NRG3: variants seen among roughly 807,000 people sequenced by gnomAD.
The protein encoded by NRG3 is neuregulin 3.
Under a neutral mutation model 66.9 loss-of-function variants are expected in NRG3, and 31 were observed. The observed-to-expected ratio is 0.46, with a 90% CI of 0.35 to 0.63. NRG3 has a LOEUF of 0.63. Ranked by LOEUF, NRG3 falls within the 20% of genes least tolerant of loss-of-function variation. The pLI is 0.00. For missense variants in NRG3, 910 were observed against 878.9 expected (o/e 1.04, Z -0.45); for synonymous variants, 393 against 359.4 (o/e 1.09, Z -1.06).
intron 1 of NRG3, among the ~76,000 whole-genome samples, chr10:81,981,558 A>T (rs190171409): frequency 1.3e-5 from 2 of 152,026 alleles, no homozygotes; most frequent in Non-Finnish European, 2.9e-5. Flanking sequence ...TCCTGTCTCT[A>T]TCATCCTGGG....
intron 2 of NRG3, among the ~76,000 whole-genome samples, chr10:82,624,399 T>G (rs753877042): frequency 1.3e-5 from 2 of 152,102 alleles, no homozygotes; most frequent in Non-Finnish European, 2.9e-5. Context: ...AATTTTGCCT[T>G]CCTTCCTTTT....
chr10:82,499,240 T>G (rs1843919139), intron 2 of NRG3, among the ~76,000 whole-genome samples: 1 of 152,246 alleles, frequency 6.6e-6, no homozygotes, highest in Non-Finnish European at 1.5e-5. Context: ...GTAACTCAGT[T>G]TGCTTTTGTT....
chr10:82,673,020 G>C (rs1213545600), intron 2 of NRG3, among the ~76,000 whole-genome samples: 2 of 152,172 alleles, frequency 1.3e-5, no homozygotes, highest in African/African-American at 4.8e-5. Flanking sequence ...CAAAGTGTTG[G>C]GATTACAGGC....
intron 2 of NRG3, among the ~76,000 whole-genome samples, chr10:82,505,733 C>T (rs1296042307): frequency 6.6e-6 from 1 of 152,126 alleles, no homozygotes; most frequent in Non-Finnish European, 1.5e-5. Flanking sequence ...TGTGGAGAAC[C>T]CCTGATTTTG....
chr10:82,109,279 G>A (rs2067237591), intron 1 of NRG3, among the ~76,000 whole-genome samples: 2 of 152,124 alleles, frequency 1.3e-5, no homozygotes, highest in African/African-American at 4.8e-5. Context: ...AACATGGTGA[G>A]TGATTGAAGA....
intron 2 of NRG3, among the ~76,000 whole-genome samples, chr10:82,371,083 C>A (rs1040211209): frequency 6.6e-6 from 1 of 151,994 alleles, no homozygotes; most frequent in African/African-American, 2.4e-5. Flanking sequence ...TTGTCAATAA[C>A]TTGCTATAAG....
intron 1 of NRG3, among the ~76,000 whole-genome samples, chr10:82,144,044 GAAAAGAAAAAA>G (rs1222606230): frequency 3.5e-4 from 48 of 136,376 alleles, no homozygotes; most frequent in African/African-American, 7.4e-4. Flanking sequence ...AAAAAAAAAA[GAAAAGAAAAAA>G]AAAAGAAAAA....
chr10:82,396,344 A>G (rs941197430), intron 2 of NRG3, among the ~76,000 whole-genome samples: 1 of 152,200 alleles, frequency 6.6e-6, no homozygotes, highest in Non-Finnish European at 1.5e-5. Context: ...AGAAGTGCCA[A>G]TATTTCCAAG....
intron 1 of NRG3, among the ~76,000 whole-genome samples, chr10:82,349,058 C>G (rs1431204119): frequency 6.6e-6 from 1 of 152,124 alleles, no homozygotes; most frequent in Non-Finnish European, 1.5e-5. Context: ...AAAGCCTTCT[C>G]TCAGCTCGTC....
chr10:82,854,448 G>T (rs760189943), intron 3 of NRG3, among the ~76,000 whole-genome samples: 11 of 152,134 alleles, frequency 7.2e-5, no homozygotes, highest in Non-Finnish European at 1.3e-4. Context: ...AGGGGAGAAA[G>T]GGTGTTCTTT....
intron 2 of NRG3, among the ~76,000 whole-genome samples, chr10:82,678,214 C>T (rs954085406): frequency 6.6e-5 from 10 of 152,110 alleles, no homozygotes; most frequent in African/African-American, 2.2e-4. Flanking sequence ...AAGAGACCAC[C>T]AAACAGGCTT....
At chr10:82,176,351 G>A (rs2073030137) in intron 1 of NRG3, among the ~76,000 whole-genome samples, 2 of 152,104 alleles carry the variant, frequency 1.3e-5, no homozygotes, top group South Asian at 4.1e-4. Flanking sequence ...CTACCCAAGT[G>A]CTTCTTCAGT....
At chr10:82,112,862 GT>G (rs2067470601) in intron 1 of NRG3, among the ~76,000 whole-genome samples, 1 of 152,076 alleles carries the variant, frequency 6.6e-6, no homozygotes, top group South Asian at 2.1e-4. Flanking sequence ...AGAAGGCACA[GT>G]GCTCAGACAA....
In NRG3 at chr10:82,016,382, C is replaced by T. The variant is rs548804688; in HGVS notation, c.823+140219C>T. 2.0e-5 allele frequency among the ~76,000 whole-genome samples: 3 copies of T among 152,062 alleles called. No individual in the cohort carries two copies. In the South Asian group the frequency reaches 6.2e-4, roughly 32 times the overall value. The stretch of plus-strand genomic sequence containing the variant: ...GTCCAAGGAGGTTGCAAACAGAACC[C>T]TCTCTGCCACCAGAAGCATGAAGGT... On this transcript the variant is annotated intron_variant, in intron 1 of 8. Coordinates refer to ENST00000372141, the MANE Select transcript of NRG3 (RefSeq NM_001010848.4).
intron 1 of NRG3, among the ~76,000 whole-genome samples, chr10:82,161,367 C>A (rs188265078): frequency 2.0e-5 from 3 of 152,170 alleles, no homozygotes; most frequent in African/African-American, 7.2e-5. Context: ...TCCTGAGTTC[C>A]AACTTTAAGG....
chr10:82,821,122 C>T lies in NRG3; in HGVS notation c.1028-44289C>T, dbSNP rs182120310. The stretch of plus-strand genomic sequence containing the variant: ...TTTCATGACCTTGTTTTATTTCAAG[C>T]ACTATCACAGAGTCAGATGGACCTT... On this transcript the variant is annotated intron_variant, in intron 3 of 8. Coordinates refer to ENST00000372141, the MANE Select transcript of NRG3 (RefSeq NM_001010848.4). Among the ~76,000 whole-genome samples the T allele has an allele frequency of 1.9e-4, 29 of 152,252 alleles. 1 individual carries two copies. In the East Asian group the frequency reaches 3.9e-3, roughly 20 times the overall value.
chr10:82,288,357 G>A (rs1343478760), intron 1 of NRG3, among the ~76,000 whole-genome samples: 2 of 152,014 alleles, frequency 1.3e-5, no homozygotes, highest in South Asian at 2.1e-4. Context: ...TAATTTACTC[G>A]GTATTATTCG....
chr10:82,410,402 G>T (rs2087971959), intron 2 of NRG3, among the ~76,000 whole-genome samples: 2 of 150,584 alleles, frequency 1.3e-5, no homozygotes, highest in African/African-American at 4.9e-5. Flanking sequence ...TTATGTAAAT[G>T]AAAGAAACCA....
At chr10:82,739,593 A>G (rs2058322249) in intron 3 of NRG3, among the ~76,000 whole-genome samples, 1 of 152,200 alleles carries the variant, frequency 6.6e-6, no homozygotes, top group Non-Finnish European at 1.5e-5. Context: ...TCTTTTCAAA[A>G]TGCATATTTT....
Sources: allele counts gnomAD v4.1 joint callset (sites outside exome capture counted in the v4.1 genomes callset), GRCh38; gene constraint gnomAD v4.1.1; transcripts MANE v1.5; gene names NCBI Gene and HGNC (gene_info 2026-07-23, HGNC 2026-07-21).